Variants in STXBP2 observed in about 807,000 individuals in gnomAD.
STXBP2 encodes the protein syntaxin binding protein 2, also known as syntaxin-binding protein 2.
In STXBP2, 47 loss-of-function variants were observed where a neutral mutation model predicts 72.2. That is an observed-to-expected ratio of 0.65 (90% CI 0.51 to 0.83). The LOEUF (loss-of-function observed/expected upper bound fraction) is 0.83, where lower values mean the gene tolerates loss of function less well. STXBP2 is among the 40% of genes least tolerant of loss of function. The probability of loss-of-function intolerance (pLI) is 0.00; values close to 1 mark genes in which losing one functional copy is unlikely to be tolerated. For missense variants in STXBP2, 702 were observed against 807.6 expected (o/e 0.87, Z 1.58); for synonymous variants, 367 against 338.7 (o/e 1.08, Z -0.92).
At chr19:7,631,402 G>A in the STXBP2 span, 27 of 1,110,786 alleles carry the variant, frequency 2.4e-5, no homozygotes, top group Non-Finnish European at 2.8e-5. Flanking sequence ...AGGTGGGCGG[G>A]GGGGGGTGGT....
chr19:7,640,661 T>TG, intron 4 of STXBP2, 70 bp from the exon 5 acceptor site: 1 of 1,600,092 alleles, frequency 6.2e-7, no homozygotes, highest in Non-Finnish European at 8.6e-7. Context: ...GGGGGGTGGC[T>TG]GGGAGGCCTA....
the STXBP2 span, chr19:7,630,736 A>G: frequency 6.5e-7 from 1 of 1,533,068 alleles, no homozygotes; most frequent in Non-Finnish European, 8.7e-7. Context: ...CTGGGGACTA[A>G]TGTCTGCCTC....
chr19:7,641,135 C>T, intron 6 of STXBP2, 132 bp downstream of exon 6: 2 of 934,462 alleles, frequency 2.1e-6, no homozygotes, highest in Non-Finnish European at 3.4e-6. Context: ...GAGGCCAGGG[C>T]AGGAGGATCA....
At chr19:7,645,353 C>A (rs936924145) in intron 15 of STXBP2, 47 bp downstream of exon 15, 13 of 1,524,856 alleles carry the variant, frequency 8.5e-6, no homozygotes, top group African/African-American at 2.8e-5. Flanking sequence ...GGGTGCGGAT[C>A]ACAGCCGGGG....
At chr19:7,631,462 T>C in the STXBP2 span, 1 of 1,530,610 alleles carries the variant, frequency 6.5e-7, no homozygotes, top group East Asian at 2.5e-5. Flanking sequence ...CACCCGCTTC[T>C]CCACCCCTAG....
chr19:7,633,380 G>C, upstream of STXBP2: 1 of 1,553,422 alleles, frequency 6.4e-7, no homozygotes. Context: ...TTGAGCTGGG[G>C]GTGGGGTGGG....
chr19:7,635,342 C>G (rs527450239), upstream of STXBP2, among the ~76,000 whole-genome samples: 5 of 152,330 alleles, frequency 3.3e-5, no homozygotes, highest in South Asian at 6.2e-4. Flanking sequence ...CATTGACTTA[C>G]GCACCTTAGG....
rs1568466023 is a variant in STXBP2 at position 7,640,760 on chromosome 19, G to T, written c.276G>T (p.Gln92His). Reference protein sequence around the residue: ...KSVQALIKDFQGTPTFTYKAA... With the variant: ...KSVQALIKDFHGTPTFTYKAA... ...TTCAGGCCCTGATCAAAGACTTCCA[G>T]GGGACCCCGACTTTCACCTACAAAG... The change falls in exon 5 of 19, where the codon CAG becomes CAT. Residue 92 changes from glutamine to histidine, a missense_variant. Transcript: ENST00000221283. The T allele has an allele frequency of 1.2e-6, 2 of 1,614,174 alleles. No individual in the cohort carries two copies. Among genetic ancestry groups the T allele is most frequent in the Non-Finnish European group, 8.5e-7 (1 of 1,180,004 alleles).
upstream of STXBP2, chr19:7,632,319 G>A (rs1378295318): frequency 2.1e-5 from 33 of 1,586,362 alleles, no homozygotes; most frequent in East Asian, 7.4e-4. This position sits in a 1 kb window ranked among gnomAD's most constrained non-coding sequence, Gnocchi z 5.2. Context: ...GTTCCCTCCT[G>A]GCTGGGGTGG....
At chr19:7,631,565 A>G in the STXBP2 span, 25 of 1,534,678 alleles carry the variant, frequency 1.6e-5, no homozygotes, top group Non-Finnish European at 1.8e-5. Flanking sequence ...GAGGCCTCCA[A>G]GTGGGAGTCC....
the STXBP2 span, chr19:7,630,731 G>T: frequency 6.5e-7 from 1 of 1,532,412 alleles, no homozygotes; most frequent in Middle Eastern, 1.7e-4. Flanking sequence ...GTCTGCTGGG[G>T]ACTAATGTCT....
Position 7,641,009 on chromosome 19 carries a change from G to T in STXBP2, c.429+6G>T. 2 of 1,613,984 alleles carry T rather than the reference G, an allele frequency of 1.2e-6. No individual in the cohort carries two copies. Among genetic ancestry groups the T allele is most frequent in the South Asian group, 1.1e-5 (1 of 91,080 alleles). On this transcript the variant is annotated splice_donor_region_variant and intron_variant, in intron 6 of 18. Transcript: ENST00000221283. Reference sequence around the variant, plus strand: ...TCCTCCCCTACGAGGCCCAGGTACGGCCCGGGCTCATCCTGGGCAGGGGGT... The same window carrying T: ...TCCTCCCCTACGAGGCCCAGGTACGTCCCGGGCTCATCCTGGGCAGGGGGT...
At chr19:7,635,754 A>AAAAGG (rs1031311354), upstream of STXBP2, among the ~76,000 whole-genome samples, 3 of 152,072 alleles carry the variant, frequency 2.0e-5, no homozygotes, top group Non-Finnish European at 2.9e-5. Flanking sequence ...AAAGGAAGGG[A>AAAAGG]AAAGGAAAGG....
the STXBP2 span, chr19:7,630,888 G>A: frequency 1.3e-6 from 2 of 1,536,736 alleles, no homozygotes; most frequent in Non-Finnish European, 1.7e-6. Context: ...GGAGGAGGCT[G>A]GATTCTTGTA....
At chr19:7,641,050 A>C (rs766606701) in intron 6 of STXBP2, 47 bp downstream of exon 6, 12 of 1,587,928 alleles carry the variant, frequency 7.6e-6, no homozygotes, top group Admixed American at 1.7e-5. Flanking sequence ...TTTGTGACCA[A>C]ATGTCCCCTG....
At chr19:7,640,578 G>A in intron 4 of STXBP2, 153 bp from the exon 5 acceptor site, 1 of 912,618 alleles carries the variant, frequency 1.1e-6, no homozygotes, top group Non-Finnish European at 1.8e-6. Flanking sequence ...GTGTGCCCAT[G>A]TGGGTGCGAC....
Position 7,641,567 on chromosome 19 carries a change from G to C in STXBP2, c.430-138G>C. On this transcript the variant is annotated intron_variant, in intron 6 of 18. Coordinates refer to ENST00000221283, the MANE Select transcript of STXBP2 (RefSeq NM_006949.4). ...GCAGGCATGGGTTTAGGGTTGACCT[G>C]GGCCTGCCTCCAATTCGGCAAAGCA... 4.2e-6 allele frequency: 5 copies of C among 1,188,266 alleles called. No individual in the cohort carries two copies. In the South Asian group the frequency reaches 5.3e-5, roughly 13 times the overall value. The allele number at this position is 1,188,266 out of a possible 1,614,324, so 73.6% of individuals were successfully genotyped here.
upstream of STXBP2, chr19:7,633,826 C>A: frequency 4.3e-6 from 1 of 231,510 alleles, no homozygotes; most frequent in Non-Finnish European, 8.4e-6. Flanking sequence ...TTAGGGAGGA[C>A]TTGCAGGTGT....
At chr19:7,634,957 T>C (rs1284648804), upstream of STXBP2, among the ~76,000 whole-genome samples, 1 of 152,198 alleles carries the variant, frequency 6.6e-6, no homozygotes, top group Non-Finnish European at 1.5e-5. Flanking sequence ...GGCAGACATA[T>C]AACTATCTTA....
Sources: allele counts gnomAD v4.1 joint callset (sites outside exome capture counted in the v4.1 genomes callset), GRCh38; gene constraint gnomAD v4.1.1; non-coding constraint Gnocchi (gnomAD v3.1); transcripts MANE v1.5; gene names NCBI Gene and HGNC (gene_info 2026-07-23, HGNC 2026-07-21).